Variants in CCDC60 observed in about 807,000 individuals in gnomAD.
CCDC60 encodes the protein coiled-coil domain-containing protein 60.
Under a neutral mutation model 63.5 loss-of-function variants are expected in CCDC60, and 54 were observed. That is an observed-to-expected ratio of 0.85 (90% confidence interval 0.68 to 1.07). The LOEUF (loss-of-function observed/expected upper bound fraction) is 1.07, where lower values mean the gene tolerates loss of function less well. Ranked by LOEUF, CCDC60 falls within the 50% of genes least tolerant of loss-of-function variation. The pLI is 0.00. For missense variants in CCDC60, 651 were observed against 684.3 expected, an observed-to-expected ratio of 0.95 and a Z score of 0.54; for synonymous variants, 206 against 238.8, an observed-to-expected ratio of 0.86 and a Z score of 1.27.
At chr12:119,440,997 G>A (rs942877882) in intron 2 of CCDC60, among the ~76,000 whole-genome samples, 2 of 152,186 alleles carry the variant, frequency 1.3e-5, no homozygotes, top group African/African-American at 2.4e-5. Context: ...CATCATTCAC[G>A]TTCCCTGAGT....
intron 1 of CCDC60, among the ~76,000 whole-genome samples, chr12:119,399,254 A>C (rs1207407217): frequency 6.6e-6 from 1 of 152,196 alleles, no homozygotes; most frequent in Non-Finnish European, 1.5e-5. Flanking sequence ...TCACCCTCTT[A>C]GTTCATGGGG....
chr12:119,530,467 C>T (rs1027801201), intron 12 of CCDC60, among the ~76,000 whole-genome samples: 1 of 152,118 alleles, frequency 6.6e-6, no homozygotes, highest in East Asian at 1.9e-4. Flanking sequence ...AAAATACACA[C>T]ACACACCGTC....
intron 1 of CCDC60, among the ~76,000 whole-genome samples, chr12:119,367,854 T>A (rs1487441350): frequency 1.3e-5 from 2 of 151,600 alleles, no homozygotes; most frequent in Non-Finnish European, 2.9e-5. Context: ...ATTTGGGGTT[T>A]CCAGGGGCTC....
chr12:119,447,693 C>G (rs1950566295), intron 2 of CCDC60: 1 of 152,204 alleles, frequency 6.6e-6, no homozygotes, highest in Admixed American at 6.5e-5. Context: ...TATCTCAGAA[C>G]TGAAAACTGA....
intron 5 of CCDC60, among the ~76,000 whole-genome samples, chr12:119,498,110 A>T (rs1384148253): frequency 6.6e-6 from 1 of 152,130 alleles, no homozygotes; most frequent in Non-Finnish European, 1.5e-5. Flanking sequence ...TGAAGAGAGG[A>T]CACCCCCAAC....
chr12:119,360,428 G>A (rs1040893037), intron 1 of CCDC60, among the ~76,000 whole-genome samples: 11 of 150,544 alleles, frequency 7.3e-5, no homozygotes, highest in Middle Eastern at 3.5e-3. Flanking sequence ...GGTGGCTGCC[G>A]GGCGGAGACG....
chr12:119,527,627 T>TTA (rs1037302967), intron 11 of CCDC60, among the ~76,000 whole-genome samples: 1 of 150,032 alleles, frequency 6.7e-6, no homozygotes, highest in African/African-American at 2.4e-5. Flanking sequence ...AGGTTGAGCT[T>TTA]TATCTCAGAG....
At chr12:119,497,976 G>C (rs1258649634) in intron 5 of CCDC60, among the ~76,000 whole-genome samples, 1 of 152,116 alleles carries the variant, frequency 6.6e-6, no homozygotes, top group African/African-American at 2.4e-5. Context: ...CAAACATAAA[G>C]TCTTACAAAA....
chr12:119,360,962 C>T (rs1395364122), intron 1 of CCDC60, among the ~76,000 whole-genome samples: 4 of 152,104 alleles, frequency 2.6e-5, no homozygotes, highest in Non-Finnish European at 4.4e-5. Flanking sequence ...AACGAAACCC[C>T]GTCTCCACCA....
chr12:119,488,324 T>C (rs1951504858), intron 4 of CCDC60, among the ~76,000 whole-genome samples: 1 of 152,236 alleles, frequency 6.6e-6, no homozygotes, highest in South Asian at 2.1e-4. Flanking sequence ...TTATTTATTG[T>C]ACTTTTATCA....
rs186319048 is a variant in CCDC60 at position 119,443,993 on chromosome 12, C to A, written c.170+15231C>A. ...TACACACACACATACACCAATATCT[C>A]TGAAGGCTCAATTCCAGCTGCTTAA... On this transcript the variant is annotated intron_variant, in intron 2 of 13. Coordinates refer to ENST00000327554, the MANE Select transcript of CCDC60 (RefSeq NM_178499.5). Among the ~76,000 whole-genome samples the A allele has an allele frequency of 6.8e-4, 103 of 152,302 alleles. No homozygotes were observed. The Middle Eastern group carries it at 0.01, about 15-fold the overall frequency.
intron 2 of CCDC60, among the ~76,000 whole-genome samples, chr12:119,447,378 C>T (rs1950560961): frequency 6.6e-6 from 1 of 152,148 alleles, no homozygotes; most frequent in African/African-American, 2.4e-5. Flanking sequence ...TTGTGGGTCT[C>T]CAGCGAGCAG....
chr12:119,519,461 A>G (rs938344770), intron 8 of CCDC60, among the ~76,000 whole-genome samples: 1 of 125,062 alleles, frequency 8.0e-6, no homozygotes, highest in Non-Finnish European at 1.6e-5. Context: ...GTATATATAT[A>G]TATATATTTT....
intron 11 of CCDC60, among the ~76,000 whole-genome samples, chr12:119,525,680 CTAATACAAA>C (rs1952661100): frequency 6.6e-6 from 1 of 152,078 alleles, no homozygotes; most frequent in South Asian, 2.1e-4. Context: ...CTGCTATCAG[CTAATACAAA>C]TACACACAAA....
intron 7 of CCDC60, among the ~76,000 whole-genome samples, chr12:119,514,713 AT>A (rs1391870174): frequency 6.6e-6 from 1 of 152,046 alleles, no homozygotes; most frequent in Non-Finnish European, 1.5e-5. Flanking sequence ...AAAGAAAAAT[AT>A]TTTTAGTAAA....
intron 5 of CCDC60, among the ~76,000 whole-genome samples, chr12:119,499,576 G>C (rs1339343283): frequency 6.6e-6 from 1 of 152,160 alleles, no homozygotes. Flanking sequence ...GTGTCGTAGA[G>C]AACTTATGCC....
At chr12:119,514,342 A>ATTTTTTTT (rs34264020) in intron 7 of CCDC60, among the ~76,000 whole-genome samples, 1 of 127,352 alleles carries the variant, frequency 7.9e-6, no homozygotes, top group Non-Finnish European at 1.7e-5. Context: ...ACATCTGGCT[A>ATTTTTTTT]TTTTTTTTTT....
intron 7 of CCDC60, among the ~76,000 whole-genome samples, chr12:119,509,414 G>T (rs538272439): frequency 1.5e-3 from 224 of 152,250 alleles, no homozygotes; most frequent in Non-Finnish European, 2.2e-3. Context: ...AGATTAGCCT[G>T]GCTGACATAG....
intron 5 of CCDC60, among the ~76,000 whole-genome samples, chr12:119,496,311 G>A (rs972561332): frequency 6.6e-6 from 1 of 152,202 alleles, no homozygotes; most frequent in Non-Finnish European, 1.5e-5. Flanking sequence ...GCTCTGAATT[G>A]CCACTGTGGA....
Sources: gnomAD v4.1 joint callset for allele counts (sites outside exome capture counted in the v4.1 genomes callset) on GRCh38, gnomAD v4.1.1 for gene constraint, MANE v1.5 for transcripts, NCBI Gene and HGNC (gene_info 2026-07-23, HGNC 2026-07-21) for gene names.